The following DECR2 variants were observed in gnomAD, a reference collection of about 807,000 sequenced individuals.
The protein encoded by DECR2 is peroxisomal 2,4-dienoyl-CoA reductase [(3E)-enoyl-CoA-producing].
DECR2 carries 34 observed loss-of-function variants against 29.2 expected under a neutral mutation model. That is an observed-to-expected ratio of 1.16 (90% CI 0.89 to 1.55). The LOEUF is 1.55. DECR2 is among the 40% of genes most tolerant of loss of function. The probability of loss-of-function intolerance (pLI) is 0.00; values close to 1 mark genes in which losing one functional copy is unlikely to be tolerated. For synonymous variants in DECR2, 224 were observed against 182.7 expected (o/e 1.23, Z -1.82); for missense variants, 485 against 425.3 (o/e 1.14, Z -1.23).
At chr16:411,618 T>C in intron 8 of DECR2, 40 bp downstream of exon 8, 1 of 1,575,676 alleles carries the variant, frequency 6.3e-7, no homozygotes, top group Non-Finnish European at 8.6e-7. Context: ...ATCTGTGTCC[T>C]TGGACGCTGG....
intron 7 of DECR2, 133 bp from the exon 8 acceptor site, chr16:411,228 C>T (rs779596992): frequency 2.6e-6 from 3 of 1,175,942 alleles, no homozygotes; most frequent in Non-Finnish European, 2.3e-6. Flanking sequence ...CCTGATCCTG[C>T]TCCATGCTAG....
Position 410,956 on chromosome 16 carries a change from A to G in DECR2, c.557-16A>G, listed in dbSNP as rs1555495912. On this transcript the variant is annotated splice_polypyrimidine_tract_variant and intron_variant, in intron 6 of 8. Coordinates refer to ENST00000219481, the MANE Select transcript of DECR2 (RefSeq NM_020664.4). This position sits in a 1 kb window ranked among gnomAD's most constrained non-coding sequence, Gnocchi z 4.1. The stretch of plus-strand genomic sequence containing the variant: ...GGGCAGAGCGGCCCTTTCATATCCA[A>G]CTTTCTTCTGTGCAGACGCGATGAC... 29 of 1,585,482 alleles carry G rather than the reference A, an allele frequency of 1.8e-5. No individual in the cohort carries two copies. In the South Asian group the frequency reaches 3.1e-4, roughly 17 times the overall value.
intron 1 of DECR2, among the ~76,000 whole-genome samples, chr16:404,668 T>C (rs1286593844): frequency 6.6e-6 from 1 of 152,086 alleles, no homozygotes; most frequent in East Asian, 1.9e-4. Context: ...CTTGCTCTTT[T>C]GCCCAGGCTG....
chr16:411,404 G>C lies in DECR2; in HGVS notation c.705G>C (p.Pro235=). ...ASLSTKVTAS[P]LQRLGNKTEI... ...TGAGCACCAAGGTCACTGCCAGCCC[G>C]CTGCAGAGGCTGGGGAACAAGACCG... Residue 235 remains proline (P), a synonymous_variant, in exon 8 of 9, where the codon CCG becomes CCC. Transcript: ENST00000219481. The C allele has an allele frequency of 1.2e-6, 2 of 1,612,448 alleles. No individual in the cohort carries two copies. The highest frequency in any genetic ancestry group is 1.1e-5 in the South Asian group (1 of 91,078).
At chr16:402,414 C>G (rs549416130) in intron 1 of DECR2, among the ~76,000 whole-genome samples, 2 of 152,100 alleles carry the variant, frequency 1.3e-5, no homozygotes, top group South Asian at 2.1e-4. Context: ...GATTTACAGG[C>G]GTGAGCCACC....
At chr16:405,844 C>T (rs1362305557) in intron 2 of DECR2, among the ~76,000 whole-genome samples, 1 of 152,192 alleles carries the variant, frequency 6.6e-6, no homozygotes, top group Non-Finnish European at 1.5e-5. Flanking sequence ...GACCTAAAGG[C>T]AGGACTTCTT....
At chr16:406,021 G>C (rs914311894) in intron 2 of DECR2, among the ~76,000 whole-genome samples, 6 of 152,214 alleles carry the variant, frequency 3.9e-5, no homozygotes, top group African/African-American at 7.2e-5. Flanking sequence ...CAGGGAGAAG[G>C]GGGTGGAGAA....
rs979135929 is a variant in DECR2 at position 402,991 on chromosome 16, C to A, written c.80+948C>A. 2.1e-5 allele frequency: 21 copies of A among 981,450 alleles called. No individual in the cohort carries two copies. The African/African-American group carries it at 3.7e-4, about 17-fold the overall frequency. 60.8% of individuals were successfully genotyped at this position (981,450 alleles called of 1,614,324 possible). The stretch of plus-strand genomic sequence containing the variant: ...GAAACTCCATCTCAAAAAAAGAAAA[C>A]AAGTTTTAAATTATGTTCTCCAAGG... On this transcript the variant is annotated intron_variant, in intron 1 of 8. Transcript: ENST00000219481.
At chr16:408,085 C>CT (rs1161672163) in intron 4 of DECR2, among the ~76,000 whole-genome samples, 960 of 17,574 alleles carry the variant, frequency 0.055, 461 homozygotes, top group South Asian at 0.14. Flanking sequence ...GTCTCCGGGC[C>CT]CCTGTCTCCA....
At chr16:405,791 G>T in intron 2 of DECR2, 1 of 377,742 alleles carries the variant, frequency 2.6e-6, no homozygotes. Context: ...TGCTTCAGAG[G>T]GAGTGTGTAG....
At position 406,342 on chromosome 16, in the gene DECR2, G is replaced by C; in HGVS notation, c.150-4G>C. On this transcript the variant is annotated splice_polypyrimidine_tract_variant and splice_region_variant and intron_variant, in intron 2 of 8. Transcript: ENST00000219481. ...TGCCCTCACACCTGCTTCTGGTTTT[G>C]CAGGCACGGCTGCCATACGGTGATT... is the stretch of plus-strand genomic sequence containing the variant. The C allele has an allele frequency of 6.2e-7, 1 of 1,606,592 alleles. No homozygotes were observed. The highest frequency in any genetic ancestry group is 1.3e-5 in the African/African-American group (1 of 75,036).
chr16:405,270 C>T, intron 2 of DECR2: 6 of 600,610 alleles, frequency 1.0e-5, no homozygotes, highest in Middle Eastern at 4.5e-4. Context: ...GCTGGGACCT[C>T]GAGAGTCAGG....
intron 2 of DECR2, 177 bp downstream of exon 2, chr16:405,201 G>A (rs2054710809): frequency 1.4e-6 from 1 of 722,578 alleles, no homozygotes; most frequent in Non-Finnish European, 2.3e-6. Flanking sequence ...CCTGGGGGGA[G>A]TCAGGACTTC....
intron 1 of DECR2, among the ~76,000 whole-genome samples, chr16:402,354 G>A (rs969380758): frequency 3.3e-5 from 5 of 151,798 alleles, no homozygotes; most frequent in African/African-American, 9.7e-5. Flanking sequence ...GGCTCTTTTC[G>A]AACTCCTGAC....
rs1329401400 is a variant in DECR2 at position 411,892 on chromosome 16, A to G, written c.*3A>G. ...ACTAAGTTCTGAAACTCCTGCAGGA[A>G]TCTTCCGGCCGCTGCTTCCTGCCGC... On this transcript the variant is annotated splice_region_variant and 3_prime_UTR_variant, in exon 9 of 9. Transcript: ENST00000219481. 2.8e-6 allele frequency: 1 copy of G among 355,152 alleles called. No individual in the cohort carries two copies. Among genetic ancestry groups the G allele is most frequent in the East Asian group, 5.0e-5 (1 of 20,150 alleles). The allele number at this position is 355,152 out of a possible 1,614,324, so 22.0% of individuals were successfully genotyped here. A position where few individuals can be genotyped will look rare whatever the true frequency, so the allele number is the denominator to read the frequency against.
chr16:410,856 GGCCAGCAGTCTCCACTTGAAGCT>G lies in DECR2; in HGVS notation c.556+74_557-92del. The G allele has an allele frequency of 6.6e-7, 1 of 1,522,498 alleles. No homozygotes were observed. The highest frequency in any genetic ancestry group is 8.9e-7 in the Non-Finnish European group (1 of 1,124,508). 94.3% of individuals were successfully genotyped at this position (1,522,498 alleles called of 1,614,324 possible). ...TGGGCCGTCTGCTTCCATCCCAGGAGGCCAGCAGTCTCCACTTGAAGCTGAGCCCAGCTGCAGGCAGCGAGACC... is the reference window on the plus strand; with the variant it reads ...TGGGCCGTCTGCTTCCATCCCAGGAGGAGCCCAGCTGCAGGCAGCGAGACC... On this transcript the variant is annotated intron_variant, in intron 6 of 8. Transcript: ENST00000219481. The surrounding 1 kb of genome is among the most constrained non-coding windows in gnomAD (Gnocchi z 4.1).
Position 409,688 on chromosome 16 carries a change from G to A in DECR2, c.338-555G>A, listed in dbSNP as rs141799889. On this transcript the variant is annotated intron_variant, in intron 4 of 8. Transcript: ENST00000219481. ...TACGACCTGTGTGGGTAAAACAACC[G>A]AAATATAATCTCCCAGTTCTGGAGG... 1.4e-3 allele frequency: 213 copies of A among 152,676 alleles called. 2 individuals are homozygous for A. Among genetic ancestry groups the A allele is most frequent in the Non-Finnish European group, 1.6e-3 (108 of 68,344 alleles). The allele number at this position is 152,676 out of a possible 1,614,324, so 9.5% of individuals were successfully genotyped here.
Position 410,145 on chromosome 16 carries a change from G to A in DECR2, c.338-98G>A. 6.7e-7 allele frequency: 1 copy of A among 1,497,566 alleles called. No homozygotes were observed. Among genetic ancestry groups the A allele is most frequent in the Non-Finnish European group, 9.0e-7 (1 of 1,115,490 alleles). The allele number at this position is 1,497,566 out of a possible 1,614,324, so 92.8% of individuals were successfully genotyped here. A position where few individuals can be genotyped will look rare whatever the true frequency, so the allele number is the denominator to read the frequency against. ...CCTCCCTGTGCCACAGGGCACCTGG[G>A]CTCCCTCCTGCACCCTCCGCTCTGC... On this transcript the variant is annotated intron_variant, in intron 4 of 8. Coordinates refer to ENST00000219481, the MANE Select transcript of DECR2 (RefSeq NM_020664.4). The surrounding 1 kb of genome is among the most constrained non-coding windows in gnomAD (Gnocchi z 4.1).
intron 2 of DECR2, 58 bp from the exon 3 acceptor site, chr16:406,288 G>C (rs1206698328): frequency 1.3e-5 from 18 of 1,417,148 alleles, no homozygotes; most frequent in Non-Finnish European, 1.7e-5. Context: ...GAGCTGGGCA[G>C]ATGCCCCGGG....
Sources: gnomAD v4.1 joint callset for allele counts (sites outside exome capture counted in the v4.1 genomes callset) on GRCh38, gnomAD v4.1.1 for gene constraint, Gnocchi (gnomAD v3.1) non-coding constraint, MANE v1.5 for transcripts, NCBI Gene and HGNC (gene_info 2026-07-23, HGNC 2026-07-21) for gene names.